Variants in CDYL2 observed in about 807,000 individuals in gnomAD.
The protein encoded by CDYL2 is chromodomain Y-like protein 2.
A neutral mutation model predicts 49.4 loss-of-function variants in CDYL2; 23 were observed. The ratio of observed to expected loss-of-function variants is 0.47; its 90% confidence interval spans 0.34 to 0.66. CDYL2 has a LOEUF of 0.66. Ranked by LOEUF, CDYL2 falls within the 30% of genes least tolerant of loss-of-function variation. The pLI, the probability that CDYL2 is intolerant of heterozygous loss-of-function variation, is 0.01. For missense variants in CDYL2, 678 were observed against 656.4 expected, an observed-to-expected ratio of 1.03 and a Z score of -0.36; for synonymous variants, 360 against 268.8, an observed-to-expected ratio of 1.34 and a Z score of -3.32.
chr16:80,691,995 G>T (rs1353101832), intron 1 of CDYL2, among the ~76,000 whole-genome samples: 2 of 152,076 alleles, frequency 1.3e-5, no homozygotes, highest in East Asian at 3.9e-4. Flanking sequence ...CTGTCCAAGA[G>T]AGCAGGAAAA....
At chr16:80,629,670 C>T (rs79094865) in intron 3 of CDYL2, among the ~76,000 whole-genome samples, 6,667 of 152,264 alleles carry the variant, frequency 0.044, 458 homozygotes, top group African/African-American at 0.15. Context: ...ACAGCAAACC[C>T]ACTAGCTTCA....
intron 2 of CDYL2, among the ~76,000 whole-genome samples, chr16:80,656,785 A>G (rs1241992990): frequency 6.6e-6 from 1 of 152,160 alleles, no homozygotes; most frequent in African/African-American, 2.4e-5. Flanking sequence ...GAGGCACAAC[A>G]CTGACACAAA....
rs1905915538 is a variant in CDYL2, at chr16:80,598,019, C to T, written c.*6369G>A. 6.6e-6 allele frequency: 1 copy of T among 152,206 alleles called. No individual in the cohort carries two copies. The highest frequency in any genetic ancestry group is 1.5e-5 in the Non-Finnish European group (1 of 68,036). The allele number at this position is 152,206 out of a possible 1,614,324, so 9.4% of individuals were successfully genotyped here. On this transcript the variant is annotated 3_prime_UTR_variant, in exon 7 of 7. Coordinates refer to ENST00000570137, the MANE Select transcript of CDYL2 (RefSeq NM_152342.4). ...CCCAGAAATGTGTTCATACACGTTA[C>T]AGGACCATTCACAAAGAGAGTGTAC...
chr16:80,601,209 G>A lies in CDYL2; in HGVS notation c.*3179C>T, dbSNP rs113073451. 16 of 152,206 alleles carry A rather than the reference G, an allele frequency of 1.1e-4. No homozygotes were observed. Among genetic ancestry groups the A allele is most frequent in the Non-Finnish European group, 1.6e-4 (11 of 68,076 alleles). The allele number at this position is 152,206 out of a possible 1,614,324, so 9.4% of individuals were successfully genotyped here. ...TTCTGCACAAAGTCTTCTTGGAACA[G>A]GGTTGTTAACTCAGATGGTCCCATA... On this transcript the variant is annotated 3_prime_UTR_variant, in exon 7 of 7. Transcript: ENST00000570137.
intron 1 of CDYL2, among the ~76,000 whole-genome samples, chr16:80,725,327 C>T (rs11648230): frequency 0.26 from 39,467 of 152,106 alleles, 6,398 homozygotes; most frequent in Middle Eastern, 0.49. Flanking sequence ...TGGAGACCCG[C>T]ATATTTGAGC....
chr16:80,722,347 T>A (rs1905025284), intron 1 of CDYL2, among the ~76,000 whole-genome samples: 1 of 152,118 alleles, frequency 6.6e-6, no homozygotes, highest in Non-Finnish European at 1.5e-5. Context: ...CAGAGGTACA[T>A]AAAATAACAG....
chr16:80,692,812 A>G (rs17826046), intron 1 of CDYL2, among the ~76,000 whole-genome samples: 44,793 of 152,204 alleles, frequency 0.29, 8,229 homozygotes, highest in Middle Eastern at 0.51. Flanking sequence ...CTAGAGTAAC[A>G]TGTTTGTGTA....
intron 6 of CDYL2, among the ~76,000 whole-genome samples, chr16:80,606,243 G>A (rs548452006): frequency 6.6e-6 from 1 of 152,220 alleles, no homozygotes; most frequent in Non-Finnish European, 1.5e-5. Flanking sequence ...TCTCCCAGAG[G>A]CCATGGGCCT....
intron 1 of CDYL2, among the ~76,000 whole-genome samples, chr16:80,759,102 C>CTATATATATATATATATATATA (rs59240300): frequency 7.9e-5 from 5 of 63,368 alleles, no homozygotes; most frequent in South Asian, 5.9e-4. Flanking sequence ...AAACCATATA[C>CTATATATATATATATATATATA]TATATATATA....
intron 1 of CDYL2, among the ~76,000 whole-genome samples, chr16:80,699,318 A>G (rs565600638): frequency 6.6e-6 from 1 of 152,368 alleles, no homozygotes; most frequent in South Asian, 2.1e-4. Context: ...TATACAATGC[A>G]ATACTATTTA....
At chr16:80,659,339 T>C (rs1178125316) in intron 2 of CDYL2, among the ~76,000 whole-genome samples, 2 of 152,226 alleles carry the variant, frequency 1.3e-5, no homozygotes, top group Admixed American at 6.5e-5. Context: ...CATGGAATTC[T>C]AGACTGTATT....
intron 2 of CDYL2, among the ~76,000 whole-genome samples, chr16:80,655,653 C>T (rs1908774719): frequency 6.6e-6 from 1 of 152,162 alleles, no homozygotes; most frequent in African/African-American, 2.4e-5. Context: ...CTACCCTCTG[C>T]CAGGACACTG....
chr16:80,605,471 T>C (rs902630795), intron 6 of CDYL2, among the ~76,000 whole-genome samples: 1 of 149,100 alleles, frequency 6.7e-6, no homozygotes, highest in African/African-American at 2.4e-5. Flanking sequence ...ACCATCATCA[T>C]AGTAATGAGC....
At chr16:80,665,982 G>C (rs766241174) in intron 2 of CDYL2, among the ~76,000 whole-genome samples, 1 of 152,212 alleles carries the variant, frequency 6.6e-6, no homozygotes, top group South Asian at 2.1e-4. Context: ...GGCAGGCTGA[G>C]GGTGGGGTAG....
chr16:80,605,977 C>G (rs944732331), intron 6 of CDYL2, among the ~76,000 whole-genome samples: 3 of 152,236 alleles, frequency 2.0e-5, no homozygotes, highest in African/African-American at 7.2e-5. Context: ...CTGATTCCAA[C>G]AGCCACGCTG....
chr16:80,655,502 C>T (rs1364774810), intron 2 of CDYL2, among the ~76,000 whole-genome samples: 1 of 152,096 alleles, frequency 6.6e-6, no homozygotes, highest in Non-Finnish European at 1.5e-5. Context: ...AAGAGTGATG[C>T]AGGGAGGGGA....
chr16:80,717,145 CGATAGATG>C (rs1354693944), intron 1 of CDYL2, among the ~76,000 whole-genome samples: 1 of 119,828 alleles, frequency 8.3e-6, no homozygotes, highest in Non-Finnish European at 1.8e-5. Context: ...TGGACTGGAT[CGATAGATG>C]GATGGATGGA....
At position 80,602,323 on chromosome 16, in the gene CDYL2, A is replaced by T. The variant is rs12932528; in HGVS notation, c.*2065T>A. 28,435 of 152,070 alleles carry T rather than the reference A, an allele frequency of 0.19. 2,776 individuals are homozygous for T. The highest frequency in any genetic ancestry group is 0.29 in the East Asian group (1,475 of 5,138). The allele number at this position is 152,070 out of a possible 1,614,324, so 9.4% of individuals were successfully genotyped here. On this transcript the variant is annotated 3_prime_UTR_variant, in exon 7 of 7. Transcript: ENST00000570137. ...ATGGACAAAGGGGAGGGTGCACAGG[A>T]CTTTAATTCCATCCTCCTCTGGCTG...
chr16:80,705,662 G>T (rs1387991109), intron 1 of CDYL2, among the ~76,000 whole-genome samples: 2 of 152,246 alleles, frequency 1.3e-5, no homozygotes, highest in African/African-American at 4.8e-5. Flanking sequence ...AAACGTTTTT[G>T]TGAAGGCCCA....
Sources: gnomAD v4.1 joint callset for allele counts (sites outside exome capture counted in the v4.1 genomes callset) on GRCh38, gnomAD v4.1.1 for gene constraint, MANE v1.5 for transcripts, NCBI Gene and HGNC (gene_info 2026-07-23, HGNC 2026-07-21) for gene names.